Variants in ANK2 observed in about 807,000 individuals in gnomAD.
ANK2 encodes the protein ankyrin-2.
In ANK2, 83 loss-of-function variants were observed where a neutral mutation model predicts 360.5. The observed-to-expected ratio is 0.23, with a 90% CI of 0.19 to 0.28. The LOEUF (loss-of-function observed/expected upper bound fraction) is 0.28. Among genes scored for constraint, ANK2 ranks in the 10% least tolerant of loss-of-function variants. ANK2 has a pLI of 1.00. For synonymous variants in ANK2, 1,740 were observed against 1,759.5 expected (o/e 0.99, Z 0.28); for missense variants, 4,201 against 4,795.7 (o/e 0.88, Z 3.66).
At chr4:113,060,402 A>C (rs573159615) in intron 1 of ANK2, among the ~76,000 whole-genome samples, 1 of 152,056 alleles carries the variant, frequency 6.6e-6, no homozygotes, top group Non-Finnish European at 1.5e-5. Context: ...CGTGATGAGT[A>C]GATAGTTTAT....
chr4:113,285,483 A>C (rs2064089982), intron 18 of ANK2, among the ~76,000 whole-genome samples: 1 of 152,192 alleles, frequency 6.6e-6, no homozygotes, highest in African/African-American at 2.4e-5. Flanking sequence ...AGTGGCTCAC[A>C]GAGCTCACAG....
At chr4:113,229,399 T>G (rs970447925) in intron 4 of ANK2, among the ~76,000 whole-genome samples, 1 of 152,202 alleles carries the variant, frequency 6.6e-6, no homozygotes, top group Non-Finnish European at 1.5e-5. Context: ...CTTGCTCTTG[T>G]AAAGACCCCA....
intron 35 of ANK2, among the ~76,000 whole-genome samples, chr4:113,347,515 C>CATTAACTT: frequency 6.6e-6 from 1 of 152,098 alleles, no homozygotes; most frequent in South Asian, 2.1e-4. Flanking sequence ...TTTCAGTGTG[C>CATTAACTT]TCTAAGAGAA....
At chr4:112,861,111 C>T (rs78771853) in intron 1 of ANK2, among the ~76,000 whole-genome samples, 1,986 of 152,262 alleles carry the variant, frequency 0.013, 17 homozygotes, top group Non-Finnish European at 0.021. Flanking sequence ...CCCAGGAGGT[C>T]CCTGTGAGGG....
chr4:112,817,305 AG>A (rs1202479832), upstream of ANK2, among the ~76,000 whole-genome samples: 1 of 152,204 alleles, frequency 6.6e-6, no homozygotes, highest in Non-Finnish European at 1.5e-5. Flanking sequence ...AAGTAGAATT[AG>A]AAGCTCTGTA....
At chr4:112,979,301 C>T (rs907377266) in intron 2 of ANK2, among the ~76,000 whole-genome samples, 1 of 152,186 alleles carries the variant, frequency 6.6e-6, no homozygotes, top group African/African-American at 2.4e-5. Context: ...CAGCTCCATG[C>T]GAGGCTGTGG....
chr4:113,233,104 CTGTTTTTTTTTTTTTTTTTTTTTTT>C (rs2099331444), intron 5 of ANK2, among the ~76,000 whole-genome samples: 1 of 29,296 alleles, frequency 3.4e-5, no homozygotes, highest in Non-Finnish European at 6.5e-5. Flanking sequence ...CTTGGCTTTT[CTGTTTTTTTTTTTTTTTTTTTTTTT>C]TTTTTTTTTT....
the ANK2 span, among the ~76,000 whole-genome samples, chr4:112,810,006 A>G: frequency 6.6e-6 from 1 of 151,450 alleles, no homozygotes; most frequent in African/African-American, 2.4e-5. Flanking sequence ...AGGTTTGCCA[A>G]TTGCTAACAT....
chr4:113,050,582 C>T (rs954525397), intron 1 of ANK2, among the ~76,000 whole-genome samples: 1 of 152,160 alleles, frequency 6.6e-6, no homozygotes, highest in African/African-American at 2.4e-5. Flanking sequence ...TCTTTATGGC[C>T]TGACTCCTTC....
intron 5 of ANK2, among the ~76,000 whole-genome samples, chr4:113,233,349 ATGGTCTCGATCT>A (rs1346832166): frequency 6.7e-6 from 1 of 150,352 alleles, no homozygotes; most frequent in East Asian, 2.0e-4. Context: ...TTTAGCCGGG[ATGGTCTCGATCT>A]CTTGACCTCG....
intron 1 of ANK2, among the ~76,000 whole-genome samples, chr4:112,837,790 C>T (rs1157709499): frequency 6.6e-6 from 1 of 152,212 alleles, no homozygotes; most frequent in African/African-American, 2.4e-5. Flanking sequence ...CAATTTATCC[C>T]ATTTGGAATG....
chr4:113,181,008 C>T (rs564571469), intron 2 of ANK2, among the ~76,000 whole-genome samples: 10 of 152,272 alleles, frequency 6.6e-5, no homozygotes, highest in African/African-American at 2.4e-4. Flanking sequence ...TGAGTAACAC[C>T]TGTCTAATAT....
the ANK2 span, among the ~76,000 whole-genome samples, chr4:112,725,204 C>A: frequency 2.0e-5 from 3 of 148,894 alleles, no homozygotes; most frequent in Non-Finnish European, 3.0e-5. Context: ...ATTGCTTGAA[C>A]CCAGGAGGTG....
the ANK2 span, among the ~76,000 whole-genome samples, chr4:112,710,903 T>A: frequency 3.8e-3 from 542 of 141,282 alleles, 19 homozygotes; most frequent in East Asian, 0.073. Context: ...TGAACAGGTT[T>A]TATATATATA....
chr4:112,895,762 C>T (rs1332840568), intron 1 of ANK2, among the ~76,000 whole-genome samples: 1 of 152,156 alleles, frequency 6.6e-6, no homozygotes, highest in Non-Finnish European at 1.5e-5. Context: ...AAAATCTGTC[C>T]TCAAACCACA....
At chr4:113,044,388 T>C (rs313941) in intron 2 of ANK2, among the ~76,000 whole-genome samples, 7,414 of 152,242 alleles carry the variant, frequency 0.049, 225 homozygotes, top group Admixed American at 0.079. Context: ...TTAACTAGGC[T>C]TCAACGTGGC....
chr4:113,336,811 A>T, intron 31 of ANK2, 30 bp downstream of exon 31: 1 of 1,606,062 alleles, frequency 6.2e-7, no homozygotes, highest in Non-Finnish European at 8.5e-7. Flanking sequence ...GTTCGTAGAG[A>T]GTTCTGAAAA....
chr4:112,737,721 A>C, the ANK2 span, among the ~76,000 whole-genome samples: 1 of 152,160 alleles, frequency 6.6e-6, no homozygotes, highest in Non-Finnish European at 1.5e-5. Context: ...GTTCTCTTAC[A>C]TGTGGCCTCA....
chr4:112,810,127 A>G, the ANK2 span, among the ~76,000 whole-genome samples: 48,988 of 89,332 alleles, frequency 0.55, 10,553 homozygotes, highest in African/African-American at 0.67. Flanking sequence ...TTTTTTGTGT[A>G]TATATATATA....
Sources: gnomAD v4.1 joint callset for allele counts (sites outside exome capture counted in the v4.1 genomes callset) on GRCh38, gnomAD v4.1.1 for gene constraint, MANE v1.5 for transcripts, NCBI Gene and HGNC (gene_info 2026-07-23, HGNC 2026-07-21) for gene names.